TRPC5: variants seen among roughly 807,000 people sequenced by gnomAD.
The protein encoded by TRPC5 is transient receptor potential cation channel subfamily C member 5.
A neutral mutation model predicts 56.5 loss-of-function variants in TRPC5; 9 were observed. The ratio of observed to expected loss-of-function variants is 0.16; its 90% CI spans 0.10 to 0.28. TRPC5 has a LOEUF of 0.28. Among genes scored for constraint, TRPC5 ranks in the 10% least tolerant of loss-of-function variants. The probability of loss-of-function intolerance (pLI) is 1.00; values close to 1 mark genes in which losing one functional copy is unlikely to be tolerated. For missense variants in TRPC5, 469 were observed against 748.9 expected (o/e 0.63, Z 4.36); for synonymous variants, 282 against 278.5 (o/e 1.01, Z -0.13).
chrX:111,799,895 G>C (rs948740165), intron 7 of TRPC5, among the ~76,000 whole-genome samples: 3 of 112,111 alleles, frequency 2.7e-5, no homozygotes, highest in Non-Finnish European at 5.6e-5. Context: ...TTCTGAACCA[G>C]TGACAGACAA....
chrX:111,985,473 A>C (rs962036359), intron 1 of TRPC5, among the ~76,000 whole-genome samples: 13 of 111,988 alleles, frequency 1.2e-4, no homozygotes, highest in African/African-American at 4.2e-4. Context: ...CCCCAAATGC[A>C]CAATTACCTT....
At chrX:112,072,651 G>T (rs1930743369) in intron 1 of TRPC5, among the ~76,000 whole-genome samples, 1 of 111,898 alleles carries the variant, frequency 8.9e-6, no homozygotes, top group African/African-American at 3.3e-5. Flanking sequence ...GAGAAAGCTG[G>T]GAGTTGAGTT....
chrX:112,016,761 A>G (rs775639844), intron 1 of TRPC5, among the ~76,000 whole-genome samples: 29 of 111,331 alleles, frequency 2.6e-4, no homozygotes, highest in African/African-American at 9.5e-4. Context: ...CTTAATGTAA[A>G]CTATCCAAAT....
intron 1 of TRPC5, among the ~76,000 whole-genome samples, chrX:112,081,578 C>T (rs73550172): frequency 0.026 from 2,939 of 111,410 alleles, 73 homozygotes; most frequent in African/African-American, 0.072. Flanking sequence ...AAATCATTGT[C>T]CAGGGATAGG....
At chrX:111,932,188 ATTG>A (rs750737074) in intron 2 of TRPC5, among the ~76,000 whole-genome samples, 10 of 111,706 alleles carry the variant, frequency 9.0e-5, no homozygotes, top group Non-Finnish European at 5.6e-5. Context: ...GGGTGTCAAA[ATTG>A]TTGTCAATCA....
chrX:112,000,217 C>T (rs369609562), intron 1 of TRPC5, among the ~76,000 whole-genome samples: 55 of 111,299 alleles, frequency 4.9e-4, no homozygotes, highest in African/African-American at 1.7e-3. Flanking sequence ...AATCAGCAAC[C>T]TTTATTAGAC....
rs1392460265 is a variant in TRPC5, at chrX:111,773,850, C to T, written c.*2463G>A. On this transcript the variant is annotated 3_prime_UTR_variant, in exon 11 of 11. Coordinates refer to ENST00000262839, the MANE Select transcript of TRPC5 (RefSeq NM_012471.3). Reference sequence around the variant, plus strand: ...TACCTAAGCATTTTCACTTGAAATACCTTTTATGATACTTGATCAAGAGAG... The same window carrying T: ...TACCTAAGCATTTTCACTTGAAATATCTTTTATGATACTTGATCAAGAGAG... Among the ~76,000 whole-genome samples, 1 of 111,602 alleles carries T rather than the reference C, an allele frequency of 9.0e-6. No homozygotes were observed.
chrX:111,971,766 T>C (rs1927791728), intron 1 of TRPC5, among the ~76,000 whole-genome samples: 1 of 112,038 alleles, frequency 8.9e-6, no homozygotes. Flanking sequence ...CATTCATAAC[T>C]TAACCTCAGT....
At chrX:111,781,058 TC>T in intron 9 of TRPC5, 106 bp downstream of exon 9, 2 of 787,230 alleles carry the variant, frequency 2.5e-6, no homozygotes, top group South Asian at 2.1e-5. Flanking sequence ...AAGCCTCCTA[TC>T]CCAGTCAAAT....
intron 1 of TRPC5, among the ~76,000 whole-genome samples, chrX:111,975,446 C>T (rs1288628116): frequency 9.1e-6 from 1 of 110,310 alleles, no homozygotes; most frequent in Non-Finnish European, 1.9e-5. Context: ...TATATTATTA[C>T]TTTAAGTTCT....
intron 1 of TRPC5, among the ~76,000 whole-genome samples, chrX:112,061,096 T>C (rs767232927): frequency 8.9e-6 from 1 of 112,534 alleles, no homozygotes; most frequent in East Asian, 2.8e-4. Flanking sequence ...TATCTCTGAT[T>C]CAGCTTATAG....
intron 1 of TRPC5, among the ~76,000 whole-genome samples, chrX:112,019,743 C>T (rs370107785): frequency 1.6e-4 from 18 of 111,525 alleles, no homozygotes; most frequent in African/African-American, 5.2e-4. Context: ...CCAATAACTC[C>T]GCCATTTTTC....
chrX:111,992,004 T>G (rs749248536), intron 1 of TRPC5, among the ~76,000 whole-genome samples: 2 of 112,297 alleles, frequency 1.8e-5, no homozygotes, highest in Non-Finnish European at 3.8e-5. Flanking sequence ...GTACTTAGCT[T>G]GGATGTCAGA....
At chrX:112,060,864 C>T (rs1441467148) in intron 1 of TRPC5, among the ~76,000 whole-genome samples, 1 of 112,500 alleles carries the variant, frequency 8.9e-6, no homozygotes, top group African/African-American at 3.2e-5. Context: ...TTTGAACTCA[C>T]GCCTCTACAG....
At chrX:111,909,710 G>A (rs1311337162) in intron 3 of TRPC5, among the ~76,000 whole-genome samples, 1 of 111,038 alleles carries the variant, frequency 9.0e-6, no homozygotes, top group Admixed American at 9.7e-5. Context: ...AGTTGAGAAA[G>A]ATACGAAAAT....
chrX:112,040,141 C>T (rs1014941223), intron 1 of TRPC5, among the ~76,000 whole-genome samples: 5 of 111,885 alleles, frequency 4.5e-5, no homozygotes, highest in Non-Finnish European at 7.5e-5. Context: ...TTATGGTACC[C>T]AGGGTTATTG....
At chrX:111,893,693 G>T (rs1037105163) in intron 3 of TRPC5, among the ~76,000 whole-genome samples, 2 of 111,124 alleles carry the variant, frequency 1.8e-5, no homozygotes, top group Middle Eastern at 4.7e-3. Flanking sequence ...TTCAAGAAGG[G>T]GCCATGTTTA....
intron 1 of TRPC5, among the ~76,000 whole-genome samples, chrX:111,957,376 C>T (rs1340784857): frequency 8.9e-6 from 1 of 111,760 alleles, no homozygotes; most frequent in Non-Finnish European, 1.9e-5. Flanking sequence ...CTAATTATTT[C>T]CTTAATTTAT....
Position 111,770,046 on chromosome X carries a change from C to T in TRPC5, c.*6267G>A, listed in dbSNP as rs900719675. 2.6e-4 allele frequency among the ~76,000 whole-genome samples: 29 copies of T among 111,358 alleles called. No homozygotes were observed. The highest frequency in any genetic ancestry group is 9.1e-4 in the African/African-American group (28 of 30,736). ...TTAAGGTGACTACTTTAAAGGACCACGTTCATTTGGGTGCATAAGTTCTGG... is the reference window on the plus strand; with the variant it reads ...TTAAGGTGACTACTTTAAAGGACCATGTTCATTTGGGTGCATAAGTTCTGG... On this transcript the variant is annotated 3_prime_UTR_variant, in exon 11 of 11. Coordinates refer to ENST00000262839, the MANE Select transcript of TRPC5 (RefSeq NM_012471.3).
Sources: gnomAD v4.1 joint callset for allele counts (sites outside exome capture counted in the v4.1 genomes callset) on GRCh38, gnomAD v4.1.1 for gene constraint, MANE v1.5 for transcripts, NCBI Gene and HGNC (gene_info 2026-07-23, HGNC 2026-07-21) for gene names.